The following KCNT2 variants were observed in gnomAD, a reference collection of about 807,000 sequenced individuals.
KCNT2 encodes potassium channel subfamily T member 2.
KCNT2 carries 67 observed loss-of-function variants against 153.8 expected under a neutral mutation model. The ratio of observed to expected loss-of-function variants is 0.44; its 90% CI spans 0.36 to 0.53. KCNT2 has a LOEUF of 0.53. Among genes scored for constraint, KCNT2 ranks in the 20% least tolerant of loss-of-function variants. KCNT2 has a pLI of 0.00. For synonymous variants in KCNT2, 500 were observed against 458.8 expected (o/e 1.09, Z -1.15); for missense variants, 975 against 1,354.8 (o/e 0.72, Z 4.40).
chr1:196,228,997 A>G (rs1167765608), intron 27 of KCNT2, among the ~76,000 whole-genome samples: 2 of 152,128 alleles, frequency 1.3e-5, no homozygotes, highest in East Asian at 3.9e-4. Flanking sequence ...ATTCTTAATT[A>G]ATTCTGCTAG....
chr1:196,533,870 C>T (rs146388297), intron 1 of KCNT2, among the ~76,000 whole-genome samples: 5 of 152,072 alleles, frequency 3.3e-5, no homozygotes, highest in African/African-American at 4.8e-5. Context: ...ATCCATGACA[C>T]TAAAGAATGG....
chr1:196,592,851 T>A (rs1363477783), intron 1 of KCNT2, among the ~76,000 whole-genome samples: 2 of 149,334 alleles, frequency 1.3e-5, no homozygotes, highest in Non-Finnish European at 3.0e-5. Context: ...TTTATTTCTA[T>A]AAAATAAAAA....
chr1:196,325,561 C>T (rs762026355), intron 19 of KCNT2, among the ~76,000 whole-genome samples: 4 of 152,092 alleles, frequency 2.6e-5, no homozygotes, highest in Non-Finnish European at 5.9e-5. Context: ...CACTGTATTG[C>T]CATAGCCATC....
chr1:196,364,856 A>G (rs1046615634), intron 14 of KCNT2, among the ~76,000 whole-genome samples: 2 of 152,128 alleles, frequency 1.3e-5, no homozygotes, highest in Non-Finnish European at 2.9e-5. Context: ...TACTTTCCCA[A>G]TAAGTTAATG....
At chr1:196,289,371 A>G (rs1410310007) in intron 22 of KCNT2, among the ~76,000 whole-genome samples, 1 of 152,084 alleles carries the variant, frequency 6.6e-6, no homozygotes, top group East Asian at 1.9e-4. Flanking sequence ...TTAATAATCT[A>G]TCTCAGCTAG....
chr1:196,571,831 A>G (rs150179330), intron 1 of KCNT2, among the ~76,000 whole-genome samples: 1 of 152,238 alleles, frequency 6.6e-6, no homozygotes, highest in East Asian at 1.9e-4. Context: ...TGAGTTCTTG[A>G]GATTTCATGA....
chr1:196,549,582 A>C (rs1657618032), intron 1 of KCNT2, among the ~76,000 whole-genome samples: 1 of 151,838 alleles, frequency 6.6e-6, no homozygotes, highest in Non-Finnish European at 1.5e-5. Flanking sequence ...AACCTAGAAC[A>C]ATGTTTCTCA....
At chr1:196,351,679 A>G (rs1666714607) in intron 14 of KCNT2, among the ~76,000 whole-genome samples, 1 of 151,892 alleles carries the variant, frequency 6.6e-6, no homozygotes, top group African/African-American at 2.4e-5. Context: ...CTCTTTTCCT[A>G]ATTGAATACC....
chr1:196,318,357 A>G (rs927280179), intron 20 of KCNT2, among the ~76,000 whole-genome samples: 1 of 151,752 alleles, frequency 6.6e-6, no homozygotes, highest in African/African-American at 2.4e-5. Flanking sequence ...CAGACCAACA[A>G]TTATCAATTC....
In KCNT2 at chr1:196,519,183, C is replaced by A. The variant is rs193025875; in HGVS notation, c.96-26842G>T. On this transcript the variant is annotated intron_variant, in intron 1 of 27. Transcript: ENST00000294725. ...AATTACATGGAAATTAAATAACCTG[C>A]TCCTCAATGACTTTGGAGTAAACAA... Among the ~76,000 whole-genome samples the A allele has an allele frequency of 1.0e-3, 152 of 152,174 alleles. 1 individual carries two copies. The highest frequency in any genetic ancestry group is 3.4e-3 in the Middle Eastern group (1 of 294).
At chr1:196,374,972 T>G (rs1668834382) in intron 13 of KCNT2, among the ~76,000 whole-genome samples, 2 of 151,896 alleles carry the variant, frequency 1.3e-5, no homozygotes, top group South Asian at 4.1e-4. Context: ...TATTAACTTT[T>G]CCTTACTACA....
intron 22 of KCNT2, among the ~76,000 whole-genome samples, chr1:196,300,297 C>A (rs1390812296): frequency 6.6e-6 from 1 of 152,128 alleles, no homozygotes; most frequent in Non-Finnish European, 1.5e-5. Flanking sequence ...AACTAGTTAT[C>A]CTTCCGTGTT....
chr1:196,346,278 A>G (rs1294509770), intron 14 of KCNT2, among the ~76,000 whole-genome samples: 1 of 152,008 alleles, frequency 6.6e-6, no homozygotes, highest in Admixed American at 6.6e-5. Flanking sequence ...CTACTTACTA[A>G]TATTTTAGGA....
At chr1:196,282,624 G>T (rs551805599) in intron 23 of KCNT2, among the ~76,000 whole-genome samples, 88 of 152,054 alleles carry the variant, frequency 5.8e-4, no homozygotes, top group Admixed American at 2.6e-3. Flanking sequence ...GTGTTATTAG[G>T]CATGATAAAA....
chr1:196,587,847 C>A (rs1662874816), intron 1 of KCNT2, among the ~76,000 whole-genome samples: 1 of 151,946 alleles, frequency 6.6e-6, no homozygotes, highest in African/African-American at 2.4e-5. Flanking sequence ...AAGTCCACTG[C>A]AAAATTAAGA....
intron 8 of KCNT2, among the ~76,000 whole-genome samples, chr1:196,461,393 T>C (rs923760746): frequency 1.3e-5 from 2 of 151,788 alleles, no homozygotes; most frequent in Admixed American, 6.6e-5. Flanking sequence ...AATTATAACA[T>C]TGAACTAAAA....
intron 21 of KCNT2, among the ~76,000 whole-genome samples, chr1:196,310,972 C>A (rs1225235637): frequency 6.6e-6 from 1 of 151,730 alleles, no homozygotes; most frequent in Admixed American, 6.6e-5. Flanking sequence ...ATAGTCACTA[C>A]CAGGATCTCA....
chr1:196,413,678 TTAA>T lies in KCNT2; in HGVS notation c.1185+9369_1185+9371del, dbSNP rs1180665172. Among the ~76,000 whole-genome samples, 4 of 151,868 alleles carry T rather than the reference TTAA, an allele frequency of 2.6e-5. No individual in the cohort carries two copies. In the South Asian group the frequency reaches 6.2e-4, roughly 24 times the overall value. The stretch of plus-strand genomic sequence containing the variant: ...CATTTTGATCACAATGAAATTACAC[TTAA>T]TAATTTTCCTAAATAATTTTGGCCA... On this transcript the variant is annotated intron_variant, in intron 12 of 27. Transcript: ENST00000294725.
Position 196,608,386 on chromosome 1 carries a change from C to A in KCNT2, c.-77G>T, listed in dbSNP as rs948331858. 1 of 1,178,302 alleles carries A rather than the reference C, an allele frequency of 8.5e-7. No homozygotes were observed. The highest frequency in any genetic ancestry group is 1.5e-5 in the African/African-American group (1 of 66,298). 73.0% of individuals were successfully genotyped at this position (1,178,302 alleles called of 1,614,324 possible). ...GAAAGAAAGAAAATATTGCGGAGTA[C>A]AGGGAGAGGACTAACAAGACGCTGT... is the stretch of plus-strand genomic sequence containing the variant. On this transcript the variant is annotated 5_prime_UTR_variant, in exon 1 of 28. Transcript: ENST00000294725.
Sources: gnomAD v4.1 joint callset for allele counts (sites outside exome capture counted in the v4.1 genomes callset) on GRCh38, gnomAD v4.1.1 for gene constraint, MANE v1.5 for transcripts, NCBI Gene and HGNC (gene_info 2026-07-23, HGNC 2026-07-21) for gene names.